Variants in DGKB observed in about 807,000 individuals in gnomAD.
The protein encoded by DGKB is diacylglycerol kinase beta.
DGKB carries 67 observed loss-of-function variants against 114.3 expected under a neutral mutation model. The observed-to-expected ratio is 0.59, with a 90% confidence interval of 0.48 to 0.72. The LOEUF is 0.72. DGKB is among the 30% of genes least tolerant of loss of function. The pLI is 0.00. For synonymous variants in DGKB, 398 were observed against 323.1 expected (o/e 1.23, Z -2.49); for missense variants, 907 against 975.2 (o/e 0.93, Z 0.93).
chr7:14,550,744 C>A (rs921328057), intron 20 of DGKB, among the ~76,000 whole-genome samples: 3 of 152,072 alleles, frequency 2.0e-5, no homozygotes, highest in Admixed American at 6.5e-5. Flanking sequence ...AACATGATGA[C>A]GGAATTATCT....
chr7:14,362,636 T>C (rs1307897194), intron 21 of DGKB, among the ~76,000 whole-genome samples: 3 of 125,960 alleles, frequency 2.4e-5, no homozygotes, highest in African/African-American at 1.1e-4. Context: ...TTAGAGTGTA[T>C]ATACAATAAA....
intron 1 of DGKB, among the ~76,000 whole-genome samples, chr7:14,954,479 T>C (rs1302742764): frequency 6.6e-6 from 1 of 152,032 alleles, no homozygotes; most frequent in Non-Finnish European, 1.5e-5. Flanking sequence ...GTATAGTGAT[T>C]TGACTTGATT....
At chr7:14,498,823 C>T (rs915981126) in intron 20 of DGKB, among the ~76,000 whole-genome samples, 7 of 151,542 alleles carry the variant, frequency 4.6e-5, no homozygotes, top group African/African-American at 1.5e-4. Flanking sequence ...TATTTACTTG[C>T]GGTAAGTTTA....
intron 23 of DGKB, among the ~76,000 whole-genome samples, chr7:14,257,759 T>C (rs1323488793): frequency 6.6e-6 from 1 of 152,206 alleles, no homozygotes; most frequent in Non-Finnish European, 1.5e-5. Flanking sequence ...GGAGTTTGGC[T>C]CTTGTTGCCC....
chr7:14,690,272 C>T (rs1049432587), intron 9 of DGKB, among the ~76,000 whole-genome samples: 14 of 152,164 alleles, frequency 9.2e-5, no homozygotes, highest in Non-Finnish European at 1.8e-4. Context: ...TCTTGGCTAA[C>T]TTCTCGTTTT....
intron 9 of DGKB, among the ~76,000 whole-genome samples, chr7:14,688,140 G>A (rs1046632073): frequency 5.9e-5 from 9 of 151,926 alleles, no homozygotes; most frequent in African/African-American, 1.9e-4. Flanking sequence ...TACTTAGATC[G>A]TAAACTTAAT....
chr7:14,383,971 G>A (rs1819910785), intron 21 of DGKB, among the ~76,000 whole-genome samples: 1 of 152,142 alleles, frequency 6.6e-6, no homozygotes, highest in Non-Finnish European at 1.5e-5. Context: ...TGCTTATGAG[G>A]ACCAAGATTG....
intron 14 of DGKB, among the ~76,000 whole-genome samples, chr7:14,626,081 T>C (rs1157019520): frequency 6.6e-6 from 1 of 152,114 alleles, no homozygotes; most frequent in Non-Finnish European, 1.5e-5. Context: ...GACCTCACTT[T>C]AAATATGTGC....
intron 21 of DGKB, among the ~76,000 whole-genome samples, chr7:14,395,511 T>C (rs1484957518): frequency 6.6e-6 from 1 of 151,922 alleles, no homozygotes; most frequent in African/African-American, 2.4e-5. Flanking sequence ...TAAACATTTA[T>C]AGTTGCTTAT....
chr7:14,262,247 G>T (rs1796884994), intron 23 of DGKB, among the ~76,000 whole-genome samples: 1 of 152,144 alleles, frequency 6.6e-6, no homozygotes, highest in Non-Finnish European at 1.5e-5. Context: ...AGAATGGATG[G>T]TACTGTGGTT....
chr7:14,296,576 C>T (rs977894729), intron 23 of DGKB, among the ~76,000 whole-genome samples: 2 of 151,862 alleles, frequency 1.3e-5, no homozygotes, highest in Non-Finnish European at 2.9e-5. Flanking sequence ...TGAGGAATTG[C>T]CAAACATGAG....
At chr7:14,614,667 G>A (rs1554547262) in intron 15 of DGKB, among the ~76,000 whole-genome samples, 1 of 151,948 alleles carries the variant, frequency 6.6e-6, no homozygotes, top group Non-Finnish European at 1.5e-5. Flanking sequence ...TTTTTCTAAT[G>A]AGAATAGGCA....
intron 1 of DGKB, among the ~76,000 whole-genome samples, chr7:14,974,283 T>A (rs1428884479): frequency 6.6e-6 from 1 of 152,046 alleles, no homozygotes. Context: ...TTATTTTCTA[T>A]AGGACACCCC....
chr7:14,419,189 T>C (rs1014028707), intron 21 of DGKB, among the ~76,000 whole-genome samples: 2 of 151,914 alleles, frequency 1.3e-5, no homozygotes, highest in African/African-American at 4.8e-5. Flanking sequence ...ATGAAGAAAA[T>C]AAACCTCTGC....
intron 21 of DGKB, among the ~76,000 whole-genome samples, chr7:14,447,822 T>C (rs1296570656): frequency 6.6e-6 from 1 of 152,106 alleles, no homozygotes; most frequent in African/African-American, 2.4e-5. Context: ...CAGAAGCTTT[T>C]TCTTGACTTT....
At chr7:14,635,308 A>G (rs1810524803) in intron 13 of DGKB, among the ~76,000 whole-genome samples, 1 of 86,460 alleles carries the variant, frequency 1.2e-5, no homozygotes, top group Admixed American at 9.3e-5. Flanking sequence ...GAAGGGAACC[A>G]ACAGAATTTT....
At chr7:14,574,513 G>T (rs970223439) in intron 19 of DGKB, 141 bp from the exon 20 acceptor site, 1 of 673,904 alleles carries the variant, frequency 1.5e-6, no homozygotes, top group South Asian at 2.1e-5. Flanking sequence ...ACCAAATGAA[G>T]AATTAATTAT....
intron 1 of DGKB, among the ~76,000 whole-genome samples, chr7:14,939,059 ATT>A (rs34216130): frequency 6.6e-6 from 1 of 151,722 alleles, no homozygotes; most frequent in African/African-American, 2.4e-5. Context: ...GCCTTTCTCT[ATT>A]TTTTTTCTCT....
intron 10 of DGKB, among the ~76,000 whole-genome samples, chr7:14,684,504 A>C (rs569578368): frequency 6.6e-6 from 1 of 152,196 alleles, no homozygotes; most frequent in East Asian, 1.9e-4. Context: ...GGATTGTAAA[A>C]TTTTCTCAGG....
Sources: gnomAD v4.1 joint callset for allele counts (sites outside exome capture counted in the v4.1 genomes callset) on GRCh38, gnomAD v4.1.1 for gene constraint, MANE v1.5 for transcripts, NCBI Gene and HGNC (gene_info 2026-07-23, HGNC 2026-07-21) for gene names.